Variants in ERCC6L2 observed in about 807,000 individuals in gnomAD.
ERCC6L2 encodes ERCC excision repair 6 like 2.
Under a neutral mutation model 132.0 loss-of-function variants are expected in ERCC6L2, and 77 were observed. The observed-to-expected ratio is 0.58, with a 90% CI of 0.49 to 0.71. ERCC6L2 has a LOEUF of 0.71. ERCC6L2 is among the 30% of genes least tolerant of loss of function. The pLI is 0.00. For synonymous variants in ERCC6L2, 583 were observed against 632.4 expected (o/e 0.92, Z 1.17); for missense variants, 1,542 against 1,837.6 (o/e 0.84, Z 2.94).
chr9:95,921,482 C>G (rs1277444591), intron 7 of ERCC6L2, among the ~76,000 whole-genome samples, 167 bp downstream of exon 7: 1 of 152,116 alleles, frequency 6.6e-6, no homozygotes, highest in Non-Finnish European at 1.5e-5. Context: ...AAATAGTAAT[C>G]ACATATAAAA....
In ERCC6L2 at chr9:95,897,378, G is replaced by A. The variant is rs74544476; in HGVS notation, c.472-471G>A. ...TATTCAAAATGTTGCATACATTAAT[G>A]AATTAGTCTGTCTTAAAATAACATT... On this transcript the variant is annotated intron_variant, in intron 2 of 18. Transcript: ENST00000653738. Among the ~76,000 whole-genome samples, 859 of 152,158 alleles carry A rather than the reference G, an allele frequency of 5.6e-3. 19 individuals carry two copies. The East Asian group carries it at 0.091, about 16-fold the overall frequency.
chr9:95,882,856 T>G (rs544836898), intron 2 of ERCC6L2, among the ~76,000 whole-genome samples: 25 of 152,332 alleles, frequency 1.6e-4, no homozygotes, highest in Middle Eastern at 3.4e-3. Context: ...TAAATGAATT[T>G]ACCTTCTTCG....
chr9:96,003,293 C>T (rs1343540469), intron 17 of ERCC6L2, among the ~76,000 whole-genome samples: 1 of 152,106 alleles, frequency 6.6e-6, no homozygotes, highest in African/African-American at 2.4e-5. Context: ...GGCAGTCTTC[C>T]TATGGTATGT....
intron 2 of ERCC6L2, 118 bp downstream of exon 2, chr9:95,881,411 TTG>T: frequency 1.3e-6 from 1 of 762,880 alleles, no homozygotes; most frequent in Non-Finnish European, 1.9e-6. Context: ...CTGTGTATGT[TTG>T]TGTTTGTCTC....
chr9:95,895,078 C>T (rs2132589999), intron 2 of ERCC6L2, among the ~76,000 whole-genome samples: 1 of 152,188 alleles, frequency 6.6e-6, no homozygotes, highest in South Asian at 2.1e-4. Context: ...TACCATTGTG[C>T]TTGTGGATTT....
intron 17 of ERCC6L2, among the ~76,000 whole-genome samples, chr9:95,982,647 G>A (rs1322990839): frequency 6.6e-6 from 1 of 151,812 alleles, no homozygotes; most frequent in African/African-American, 2.4e-5. Flanking sequence ...TAATTTTATG[G>A]CATTTGTATC....
rs754746381 is a variant in ERCC6L2, at chr9:95,972,071, A to G, written c.2320A>G (p.Lys774Glu). 5 of 1,304,310 alleles carry G rather than the reference A, an allele frequency of 3.8e-6. No individual in the cohort carries two copies. In the South Asian group the frequency reaches 6.2e-5, roughly 16 times the overall value. The allele number at this position is 1,304,310 out of a possible 1,614,324, so 80.8% of individuals were successfully genotyped here. A position where few individuals can be genotyped will look rare whatever the true frequency, so the allele number is the denominator to read the frequency against. ...CACAGGAATAAAGACTGCCAAAAAC[A>G]AAGCACCCGATTCAAGTAAAGCTTC... ...GATGIKTAKN[K>E]APDSSKASSS... Residue 774 changes from lysine to glutamate, a missense_variant, in exon 16 of 19, where the codon AAA becomes GAA. Around this residue, in one of 4 missense-constraint regions of ERCC6L2, gnomAD observed 945 missense variants for 1,105.2 expected, o/e 0.86. Coordinates refer to ENST00000653738, the MANE Select transcript of ERCC6L2 (RefSeq NM_020207.7).
intron 17 of ERCC6L2, among the ~76,000 whole-genome samples, chr9:95,980,387 TGTG>T (rs1436157669): frequency 6.6e-6 from 1 of 152,184 alleles, no homozygotes; most frequent in African/African-American, 2.4e-5. Context: ...ATGACTACAT[TGTG>T]GTGAAGTTTT....
At chr9:95,957,161 G>A (rs532100371) in intron 13 of ERCC6L2, among the ~76,000 whole-genome samples, 1 of 152,160 alleles carries the variant, frequency 6.6e-6, no homozygotes, top group South Asian at 2.1e-4. Context: ...TATTTATTTA[G>A]TTTACAACTG....
downstream of ERCC6L2, chr9:96,021,284 G>A: frequency 2.9e-6 from 1 of 340,218 alleles, no homozygotes; most frequent in South Asian, 2.2e-5. The surrounding 1 kb of genome is among the most constrained non-coding windows in gnomAD (Gnocchi z 4.7). Flanking sequence ...GCTTTTCTCT[G>A]TAAAGAAAAG....
intron 8 of ERCC6L2, among the ~76,000 whole-genome samples, 185 bp downstream of exon 8, chr9:95,922,603 G>A (rs984690742): frequency 1.3e-5 from 2 of 152,106 alleles, no homozygotes; most frequent in African/African-American, 4.8e-5. Context: ...ACAAATTTAA[G>A]CTTAATTTAA....
At chr9:95,970,001 T>C (rs1832340789) in intron 14 of ERCC6L2, among the ~76,000 whole-genome samples, 1 of 152,136 alleles carries the variant, frequency 6.6e-6, no homozygotes, top group East Asian at 1.9e-4. Context: ...AGCTTTAAAG[T>C]CCAAATACTT....
chr9:95,958,775 C>A (rs990993811), intron 13 of ERCC6L2, among the ~76,000 whole-genome samples: 3 of 152,128 alleles, frequency 2.0e-5, no homozygotes, highest in Non-Finnish European at 2.9e-5. Flanking sequence ...CTCCCATTCA[C>A]AATTGCTTCA....
At chr9:95,897,780 T>C (rs554871490) in intron 2 of ERCC6L2, 69 bp from the exon 3 acceptor site, 7 of 1,502,814 alleles carry the variant, frequency 4.7e-6, no homozygotes, top group Non-Finnish European at 6.4e-6. Context: ...TGAATAGTCA[T>C]GTAAGCAGTG....
rs1834184814 is a variant in ERCC6L2, at chr9:96,016,315, A to G, written c.*3112A>G. Among the ~76,000 whole-genome samples the G allele has an allele frequency of 6.6e-6, 1 of 152,218 alleles. No individual in the cohort carries two copies. The highest frequency in any genetic ancestry group is 1.5e-5 in the Non-Finnish European group (1 of 68,036). ...AAGCAACACCACTGTGGCTCCATGG[A>G]GCACTAATTTGAAAACCACAGAGAT... On this transcript the variant is annotated 3_prime_UTR_variant, in exon 19 of 19. Coordinates refer to ENST00000653738, the MANE Select transcript of ERCC6L2 (RefSeq NM_020207.7).
At chr9:95,889,000 C>G (rs1828020306) in intron 2 of ERCC6L2, among the ~76,000 whole-genome samples, 2 of 151,844 alleles carry the variant, frequency 1.3e-5, no homozygotes, top group African/African-American at 4.8e-5. Flanking sequence ...TTAAGTTTTT[C>G]GGGGGTGGGT....
At chr9:95,957,154 T>G (rs1404972416) in intron 13 of ERCC6L2, among the ~76,000 whole-genome samples, 2 of 152,120 alleles carry the variant, frequency 1.3e-5, no homozygotes, top group Admixed American at 1.3e-4. Flanking sequence ...CAAACAATAT[T>G]TATTTAGTTT....
At chr9:95,908,582 C>T (rs996070592) in intron 4 of ERCC6L2, among the ~76,000 whole-genome samples, 6 of 152,124 alleles carry the variant, frequency 3.9e-5, no homozygotes, top group Non-Finnish European at 7.4e-5. Flanking sequence ...AATGTGGTCA[C>T]GGGACCATGG....
At position 95,899,600 on chromosome 9, in the gene ERCC6L2, A is replaced by ATGTGTGTGTGTG. The variant is rs56991965; in HGVS notation, c.594+1650_594+1661dup. On this transcript the variant is annotated intron_variant, in intron 3 of 18. Transcript: ENST00000653738. Reference sequence around the variant, plus strand: ...TTTCTTTTTTTCTCTTTATATATATATGTGTGTGTGTGTGTGTGTGTGTGT... The same window carrying ATGTGTGTGTGTG: ...TTTCTTTTTTTCTCTTTATATATATATGTGTGTGTGTGTGTGTGTGTGTGTGTGTGTGTGTGT... Among the ~76,000 whole-genome samples, 239 of 134,878 alleles carry ATGTGTGTGTGTG rather than the reference A, an allele frequency of 1.8e-3. 1 individual carries two copies. Among genetic ancestry groups the ATGTGTGTGTGTG allele is most frequent in the African/African-American group, 5.6e-3 (196 of 34,782 alleles). The allele number at this position is 134,878 out of a possible 152,430, so 88.5% of individuals were successfully genotyped here.
Sources: gnomAD v4.1 joint callset for allele counts (sites outside exome capture counted in the v4.1 genomes callset) on GRCh38, gnomAD v4.1.1 for gene constraint, gnomAD v4.1.1 regional missense constraint, Gnocchi (gnomAD v3.1) non-coding constraint, MANE v1.5 for transcripts, NCBI Gene and HGNC (gene_info 2026-07-23, HGNC 2026-07-21) for gene names.